Variants in SPINK5 observed in about 807,000 individuals in gnomAD.
SPINK5 encodes the protein serine peptidase inhibitor Kazal type 5.
Under a neutral mutation model 151.8 loss-of-function variants are expected in SPINK5, and 125 were observed. That is an observed-to-expected ratio of 0.82 (90% CI 0.71 to 0.96). The LOEUF (loss-of-function observed/expected upper bound fraction) is 0.96, where lower values mean the gene tolerates loss of function less well. Among genes scored for constraint, SPINK5 ranks in the 40% least tolerant of loss-of-function variants. The pLI is 0.00. For missense variants in SPINK5, 1,194 were observed against 1,291.9 expected (o/e 0.92, Z 1.16); for synonymous variants, 374 against 395.3 (o/e 0.95, Z 0.64).
intron 11 of SPINK5, among the ~76,000 whole-genome samples, chr5:148,098,578 T>C (rs948612732): frequency 2.0e-5 from 3 of 149,750 alleles, no homozygotes; most frequent in African/African-American, 5.1e-5. Context: ...GGTTGAAATA[T>C]CATCAGTTAA....
rs375224787 is a variant in SPINK5 at position 148,086,533 on chromosome 5, G to A, written c.410+1G>A. 1.1e-5 allele frequency: 18 copies of A among 1,610,492 alleles called. No homozygotes were observed. The highest frequency in any genetic ancestry group is 1.5e-5 in the Non-Finnish European group (18 of 1,178,220). On this transcript the variant is annotated splice_donor_variant, in intron 5 of 32. Transcript: ENST00000256084. LOFTEE classifies it high-confidence loss of function. Reference sequence around the variant, plus strand: ...GATGTGCACTGTGTGCTGAGAATGCGTGAGTATTCTCTGAAGTAGGCTTTC... The same window carrying A: ...GATGTGCACTGTGTGCTGAGAATGCATGAGTATTCTCTGAAGTAGGCTTTC...
chr5:148,096,339 CTGTT>C (rs1561685842), intron 10 of SPINK5, among the ~76,000 whole-genome samples: 3 of 151,948 alleles, frequency 2.0e-5, no homozygotes, highest in African/African-American at 7.3e-5. Context: ...AGTCACCTGT[CTGTT>C]TTTCTACTGC....
chr5:148,126,789 AC>A (rs1464168310), intron 29 of SPINK5, among the ~76,000 whole-genome samples, 193 bp from the exon 30 acceptor site: 2 of 151,972 alleles, frequency 1.3e-5, no homozygotes, highest in Non-Finnish European at 2.9e-5. Context: ...ATGGAGTTTC[AC>A]CATGTTGGCC....
intron 4 of SPINK5, 117 bp from the exon 5 acceptor site, chr5:148,086,288 A>T: frequency 7.9e-7 from 1 of 1,264,300 alleles, no homozygotes; most frequent in Non-Finnish European, 1.1e-6. Context: ...CCTTCATGAT[A>T]TGTTTTTCTT....
intron 16 of SPINK5, 114 bp from the exon 17 acceptor site, chr5:148,106,923 T>C (rs2113140216): frequency 7.4e-7 from 1 of 1,359,306 alleles, no homozygotes; most frequent in Non-Finnish European, 1.0e-6. Context: ...TTTACTACTA[T>C]GTGTTATCAC....
At chr5:148,089,238 G>C in intron 6 of SPINK5, 1 of 554,384 alleles carries the variant, frequency 1.8e-6, no homozygotes, top group South Asian at 1.5e-5. Flanking sequence ...CAAGTTGATG[G>C]CAAGGACTGT....
chr5:148,090,706 C>T (rs1753286262), intron 7 of SPINK5: 1 of 163,444 alleles, frequency 6.1e-6, no homozygotes, highest in African/African-American at 2.4e-5. Context: ...ACAAGGTATA[C>T]AAAGTTATAC....
At position 148,116,447 on chromosome 5, in the gene SPINK5, G is replaced by A. The variant is rs1186315078; in HGVS notation, c.2093G>A (p.Gly698Asp). ...RNAAGHGSSGGGGGNTQDECA... is the reference protein window; with the variant it reads ...RNAAGHGSSGDGGGNTQDECA... ...GCTGCAGGACATGGTTCCAGTGGTG[G>A]TGGAGGAGGAAACACTCAGGTGAGA... The change falls in exon 22 of 33, where the codon GGT becomes GAT. Residue 698 changes from glycine to aspartate, a missense_variant. Transcript: ENST00000256084. 1.2e-6 allele frequency: 2 copies of A among 1,614,036 alleles called. No individual in the cohort carries two copies. Among genetic ancestry groups the A allele is most frequent in the African/African-American group, 1.3e-5 (1 of 74,936 alleles).
rs1207260992 is a variant in SPINK5 at position 148,123,460 on chromosome 5, T to G, written c.2539-373T>G. Among the ~76,000 whole-genome samples the G allele has an allele frequency of 7.1e-5, 10 of 141,052 alleles. No homozygotes were observed. The East Asian group carries it at 2.0e-3, about 28-fold the overall frequency. 92.5% of individuals were successfully genotyped at this position (141,052 alleles called of 152,430 possible). The stretch of plus-strand genomic sequence containing the variant: ...ATCTATCTATCTATATATATAATCT[T>G]GTTATATATATGTAATCTTGTTCTG... On this transcript the variant is annotated intron_variant, in intron 26 of 32. Coordinates refer to ENST00000256084, the MANE Select transcript of SPINK5 (RefSeq NM_006846.4).
Position 148,095,799 on chromosome 5 carries a change from T to C in SPINK5, c.795-19T>C. Reference sequence around the variant, plus strand: ...TGAAGATCGGAAGCATCTCTACTCATTTATTTTACTTTTTCCAGCAAGCAG... The same window carrying C: ...TGAAGATCGGAAGCATCTCTACTCACTTATTTTACTTTTTCCAGCAAGCAG... On this transcript the variant is annotated intron_variant, in intron 9 of 32. Coordinates refer to ENST00000256084, the MANE Select transcript of SPINK5 (RefSeq NM_006846.4). 1 of 1,595,900 alleles carries C rather than the reference T, an allele frequency of 6.3e-7. No homozygotes were observed. Among genetic ancestry groups the C allele is most frequent in the Non-Finnish European group, 8.6e-7 (1 of 1,164,262 alleles).
In SPINK5 at chr5:148,126,850, C is replaced by A. The variant is rs1348851329; in HGVS notation, c.2868-133C>A. 3 of 706,568 alleles carry A rather than the reference C, an allele frequency of 4.2e-6. No homozygotes were observed. In the East Asian group the frequency reaches 9.4e-5, roughly 22 times the overall value. The allele number at this position is 706,568 out of a possible 1,614,324, so 43.8% of individuals were successfully genotyped here. A position where few individuals can be genotyped will look rare whatever the true frequency, so the allele number is the denominator to read the frequency against. ...CAGGTGATTCGCCAGCCTGGGCCTT[C>A]CAAAATGCTGGGGTTACAGGCGTGA... On this transcript the variant is annotated intron_variant, in intron 29 of 32. Transcript: ENST00000256084.
At chr5:148,128,182 A>C (rs1025800142) in intron 30 of SPINK5, among the ~76,000 whole-genome samples, 1 of 151,732 alleles carries the variant, frequency 6.6e-6, no homozygotes, top group Non-Finnish European at 1.5e-5. Context: ...GCTCCACATC[A>C]GGGATCCGAA....
intron 27 of SPINK5, 23 bp from the exon 28 acceptor site, chr5:148,124,739 TATC>T (rs751619176): frequency 1.1e-5 from 16 of 1,483,436 alleles, no homozygotes; most frequent in East Asian, 4.8e-5. Flanking sequence ...AAAATTACCC[TATC>T]TTTTTTTTTA....
intron 10 of SPINK5, among the ~76,000 whole-genome samples, chr5:148,096,725 TTTTTC>T (rs1753473100): frequency 4.1e-5 from 6 of 146,904 alleles, no homozygotes; most frequent in Admixed American, 2.0e-4. Context: ...TTTCTTTCTT[TTTTTC>T]TTTTTCTTTT....
intron 17 of SPINK5, among the ~76,000 whole-genome samples, chr5:148,108,363 T>C (rs758338826): frequency 1.6e-4 from 24 of 152,200 alleles, no homozygotes; most frequent in Non-Finnish European, 2.4e-4. Flanking sequence ...GAGCCCATCA[T>C]CTGACTTAGC....
At chr5:148,130,178 T>C (rs1042692849) in intron 30 of SPINK5, among the ~76,000 whole-genome samples, 8 of 152,004 alleles carry the variant, frequency 5.3e-5, no homozygotes, top group Non-Finnish European at 2.9e-5. Context: ...TTTTCTAATA[T>C]ATGTATTAAA....
At chr5:148,098,443 T>C (rs964913544) in intron 11 of SPINK5, among the ~76,000 whole-genome samples, 1 of 151,924 alleles carries the variant, frequency 6.6e-6, no homozygotes. Context: ...TATTTCTCAA[T>C]AAGTTAGAAT....
chr5:148,133,907 G>A lies in SPINK5; in HGVS notation c.3186+20G>A, dbSNP rs1754635700. Reference sequence around the variant, plus strand: ...CCGTCTGTAAGTACATAAGTAGACTGGCCTCCATGGTTACGTTGTGAGGAG... The same window carrying A: ...CCGTCTGTAAGTACATAAGTAGACTAGCCTCCATGGTTACGTTGTGAGGAG... On this transcript the variant is annotated intron_variant, in intron 32 of 32. Coordinates refer to ENST00000256084, the MANE Select transcript of SPINK5 (RefSeq NM_006846.4). 2 of 1,612,678 alleles carry A rather than the reference G, an allele frequency of 1.2e-6. No homozygotes were observed. Among genetic ancestry groups the A allele is most frequent in the East Asian group, 4.5e-5 (2 of 44,868 alleles).
At chr5:148,069,687 C>T (rs1440537190) in intron 2 of SPINK5, among the ~76,000 whole-genome samples, 1 of 151,890 alleles carries the variant, frequency 6.6e-6, no homozygotes, top group African/African-American at 2.4e-5. Flanking sequence ...CTCCCAGAAC[C>T]TCGGAAGGGG....
Sources: allele counts gnomAD v4.1 joint callset (sites outside exome capture counted in the v4.1 genomes callset), GRCh38; gene constraint gnomAD v4.1.1; transcripts MANE v1.5; gene names NCBI Gene and HGNC (gene_info 2026-07-23, HGNC 2026-07-21).